The following NEDD4L variants were observed in gnomAD, a reference collection of about 807,000 sequenced individuals.
NEDD4L encodes NEDD4 like E3 ubiquitin protein ligase.
A neutral mutation model predicts 148.9 loss-of-function variants in NEDD4L; 54 were observed. The ratio of observed to expected loss-of-function variants is 0.36; its 90% CI spans 0.29 to 0.45. The LOEUF (loss-of-function observed/expected upper bound fraction) is 0.45. Among genes scored for constraint, NEDD4L ranks in the 20% least tolerant of loss-of-function variants. The pLI is 1.00. For synonymous variants in NEDD4L, 433 were observed against 440.7 expected (o/e 0.98, Z 0.22); for missense variants, 856 against 1,233.8 (o/e 0.69, Z 4.59).
intron 30 of NEDD4L, among the ~76,000 whole-genome samples, chr18:58,392,206 C>A (rs1435861642): frequency 6.6e-6 from 1 of 152,230 alleles, no homozygotes; most frequent in East Asian, 1.9e-4. Context: ...AAGCCGGGTT[C>A]AGGGAGCTCT....
chr18:58,380,370 G>GT (rs2048183032), intron 24 of NEDD4L, among the ~76,000 whole-genome samples: 1 of 151,002 alleles, frequency 6.6e-6, no homozygotes, highest in Non-Finnish European at 1.5e-5. Context: ...CCAGGCTGGA[G>GT]TGCAATGGCA....
chr18:58,123,108 C>T (rs896577340), intron 1 of NEDD4L, among the ~76,000 whole-genome samples: 1 of 152,200 alleles, frequency 6.6e-6, no homozygotes, highest in African/African-American at 2.4e-5. Flanking sequence ...AGCATCCTTA[C>T]ATCCTCCACC....
At chr18:58,219,971 A>C (rs1206635970) in intron 2 of NEDD4L, among the ~76,000 whole-genome samples, 1 of 152,360 alleles carries the variant, frequency 6.6e-6, no homozygotes, top group South Asian at 2.1e-4. Flanking sequence ...GCTAGTGTGT[A>C]AATTGGAAAC....
chr18:58,138,411 G>C (rs564520211), intron 1 of NEDD4L, among the ~76,000 whole-genome samples: 1 of 107,292 alleles, frequency 9.3e-6, no homozygotes, highest in African/African-American at 3.6e-5. Flanking sequence ...TCCTCATGAA[G>C]CATGTGCACA....
At chr18:58,146,767 C>T (rs1048095207) in intron 1 of NEDD4L, among the ~76,000 whole-genome samples, 11 of 152,040 alleles carry the variant, frequency 7.2e-5, no homozygotes, top group Non-Finnish European at 1.3e-4. Flanking sequence ...CCTGAGCCTG[C>T]GGTGTGGTCC....
chr18:58,379,749 G>A (rs1437250856), intron 24 of NEDD4L, among the ~76,000 whole-genome samples: 3 of 152,202 alleles, frequency 2.0e-5, no homozygotes. Flanking sequence ...TTGAAGAGTG[G>A]TCATTGCTTC....
chr18:58,385,339 G>C (rs2048869620), intron 25 of NEDD4L, among the ~76,000 whole-genome samples, 187 bp from the exon 26 acceptor site: 3 of 152,162 alleles, frequency 2.0e-5, no homozygotes, highest in Admixed American at 1.3e-4. Context: ...GAGATTTTAG[G>C]TTTTTCACGG....
chr18:58,281,019 A>G (rs867931807), intron 5 of NEDD4L, among the ~76,000 whole-genome samples: 1 of 152,036 alleles, frequency 6.6e-6, no homozygotes, highest in Non-Finnish European at 1.5e-5. Flanking sequence ...TCTGTTGCCC[A>G]GGCTGGAGTG....
At position 58,072,872 on chromosome 18, in the gene NEDD4L, G is replaced by GCACACACACA. The variant is rs766485355; in HGVS notation, c.48+28189_48+28198dup. 5.8e-3 allele frequency among the ~76,000 whole-genome samples: 759 copies of GCACACACACA among 131,592 alleles called. 4 individuals are homozygous for GCACACACACA. Among genetic ancestry groups the GCACACACACA allele is most frequent in the Non-Finnish European group, 7.8e-3 (495 of 63,262 alleles). The allele number at this position is 131,592 out of a possible 152,430, so 86.3% of individuals were successfully genotyped here. A position where few individuals can be genotyped will look rare whatever the true frequency, so the allele number is the denominator to read the frequency against. ...AAAATCCTAAGGCGCGCGCGCGCGC[G>GCACACACACA]CACACACACACACACACACACACAC... On this transcript the variant is annotated intron_variant, in intron 1 of 30. Coordinates refer to ENST00000400345, the MANE Select transcript of NEDD4L (RefSeq NM_001144967.3).
chr18:58,142,328 G>A (rs979555999), intron 1 of NEDD4L, among the ~76,000 whole-genome samples: 8 of 132,800 alleles, frequency 6.0e-5, no homozygotes, highest in South Asian at 4.5e-4. Context: ...GATTACAGGC[G>A]TGAACCACAC....
intron 2 of NEDD4L, among the ~76,000 whole-genome samples, chr18:58,178,374 T>G (rs2038420051): frequency 6.6e-6 from 1 of 152,194 alleles, no homozygotes; most frequent in African/African-American, 2.4e-5. Context: ...GGATATCCAC[T>G]GTAAATTTTA....
chr18:58,214,799 C>CTTTCTTTCTTTTTTTTTTT (rs202229202), intron 2 of NEDD4L, among the ~76,000 whole-genome samples: 2 of 60,870 alleles, frequency 3.3e-5, no homozygotes, highest in East Asian at 5.4e-4. Context: ...TTCTTTCTTT[C>CTTTCTTTCTTTTTTTTTTT]ATTTTTTTTT....
intron 16 of NEDD4L, among the ~76,000 whole-genome samples, chr18:58,347,965 T>G (rs968399940): frequency 6.9e-5 from 5 of 72,746 alleles, no homozygotes; most frequent in Non-Finnish European, 1.2e-4. Context: ...TTGATAGTGG[T>G]TTTTTTTTTG....
chr18:58,221,780 A>G (rs1417594301), intron 2 of NEDD4L: 14 of 925,062 alleles, frequency 1.5e-5, no homozygotes, highest in Middle Eastern at 5.5e-4. Context: ...ACACCACTGT[A>G]TGTTTGCTAT....
At chr18:58,335,274 AGCC>A (rs2041578592) in intron 12 of NEDD4L, among the ~76,000 whole-genome samples, 1 of 152,196 alleles carries the variant, frequency 6.6e-6, no homozygotes, top group African/African-American at 2.4e-5. Flanking sequence ...GTCAAGGATG[AGCC>A]ACCTTGGGGG....
chr18:58,109,240 G>C (rs956655279), intron 1 of NEDD4L, among the ~76,000 whole-genome samples: 8 of 152,196 alleles, frequency 5.3e-5, no homozygotes, highest in African/African-American at 1.2e-4. Flanking sequence ...TACAATTCAG[G>C]TGTGTTCAGG....
chr18:58,336,497 A>C (rs1269055377), intron 13 of NEDD4L, among the ~76,000 whole-genome samples: 14 of 152,084 alleles, frequency 9.2e-5, no homozygotes, highest in Admixed American at 9.2e-4. Flanking sequence ...GAATGGCGTG[A>C]ACCCGGGAGG....
rs567708804 is a variant in NEDD4L, at chr18:58,365,196, G to C, written c.1834-803G>C. ...TTCCAAAGTCCTGATTCAAGAGCTT[G>C]CGGGTAACTGCTATTGAAATGATTC... On this transcript the variant is annotated intron_variant, in intron 20 of 30. Coordinates refer to ENST00000400345, the MANE Select transcript of NEDD4L (RefSeq NM_001144967.3). 9.2e-5 allele frequency among the ~76,000 whole-genome samples: 14 copies of C among 152,322 alleles called. 1 individual carries two copies. In the South Asian group the frequency reaches 2.7e-3, roughly 29 times the overall value.
chr18:58,255,855 T>C (rs938173707), intron 5 of NEDD4L: 37 of 1,232,326 alleles, frequency 3.0e-5, no homozygotes, highest in Non-Finnish European at 3.6e-5. Context: ...AGCTCGTCCA[T>C]GTTCATCCCG....
Sources: gnomAD v4.1 joint callset for allele counts (sites outside exome capture counted in the v4.1 genomes callset) on GRCh38, gnomAD v4.1.1 for gene constraint, MANE v1.5 for transcripts, NCBI Gene and HGNC (gene_info 2026-07-23, HGNC 2026-07-21) for gene names.